Variants in ZNF730 observed in about 807,000 individuals in gnomAD.
ZNF730 encodes the protein zinc finger protein 730, also known as putative zinc finger protein 730.
A neutral mutation model predicts 12.6 loss-of-function variants in ZNF730; 12 were observed. The observed-to-expected ratio is 0.95, with a 90% confidence interval of 0.61 to 1.54. ZNF730 has a LOEUF of 1.54. ZNF730 is among the 40% of genes most tolerant of loss of function. The probability of loss-of-function intolerance (pLI) is 0.00; values close to 1 mark genes in which losing one functional copy is unlikely to be tolerated. For synonymous variants in ZNF730, 194 were observed against 195.8 expected, an observed-to-expected ratio of 0.99 and a Z score of 0.08; for missense variants, 643 against 583.5, an observed-to-expected ratio of 1.10 and a Z score of -1.05.
intron 1 of ZNF730, among the ~76,000 whole-genome samples, chr19:23,077,799 T>C (rs1049456274): frequency 2.6e-5 from 4 of 152,084 alleles, no homozygotes; most frequent in Non-Finnish European, 5.9e-5. Context: ...GAAGTAGGCA[T>C]AAGAGACTCC....
chr19:23,109,796 C>T (rs1461138439), intron 1 of ZNF730, among the ~76,000 whole-genome samples: 1 of 152,130 alleles, frequency 6.6e-6, no homozygotes, highest in Non-Finnish European at 1.5e-5. Flanking sequence ...ATCCACCCGC[C>T]TTGGCCTCCC....
At chr19:23,103,524 A>G (rs1163384854) in intron 1 of ZNF730, among the ~76,000 whole-genome samples, 1 of 152,184 alleles carries the variant, frequency 6.6e-6, no homozygotes, top group Non-Finnish European at 1.5e-5. Flanking sequence ...AGTGTTTCAA[A>G]TCTCTAACAC....
intron 1 of ZNF730, among the ~76,000 whole-genome samples, chr19:23,101,015 ATAGTT>A (rs1223936818): frequency 2.0e-5 from 3 of 152,188 alleles, no homozygotes; most frequent in Non-Finnish European, 4.4e-5. Context: ...GACTAAACCA[ATAGTT>A]TAGTTTAGTT....
At chr19:23,126,764 T>C in intron 1 of ZNF730, 1 of 492,926 alleles carries the variant, frequency 2.0e-6, no homozygotes, top group Non-Finnish European at 4.0e-6. Flanking sequence ...GACTACATAA[T>C]TGTTGGGAAG....
chr19:23,093,794 C>T (rs1254613182), intron 1 of ZNF730, among the ~76,000 whole-genome samples: 2 of 152,318 alleles, frequency 1.3e-5, no homozygotes, highest in Middle Eastern at 3.4e-3. Flanking sequence ...GATCAACAGA[C>T]GGGGTCAGGG....
intron 1 of ZNF730, among the ~76,000 whole-genome samples, chr19:23,085,826 A>ATTTTTTTTTCTTT (rs1260910855): frequency 3.4e-4 from 25 of 72,564 alleles, no homozygotes; most frequent in African/African-American, 1.3e-3. Flanking sequence ...ATTTCACCCA[A>ATTTTTTTTTCTTT]TTTTTTTTTC....
chr19:23,127,041 T>C, intron 1 of ZNF730: 2 of 518,366 alleles, frequency 3.9e-6, no homozygotes, highest in South Asian at 3.0e-5. Flanking sequence ...TCCTAAAGCA[T>C]ATAATGAAGA....
At chr19:23,139,833 C>A (rs570066837) in intron 3 of ZNF730, among the ~76,000 whole-genome samples, 2 of 152,114 alleles carry the variant, frequency 1.3e-5, no homozygotes, top group South Asian at 2.1e-4. Flanking sequence ...CTGACAAATT[C>A]TTTTTAATGC....
chr19:23,106,949 A>G (rs1025870645), intron 1 of ZNF730, among the ~76,000 whole-genome samples: 3 of 152,174 alleles, frequency 2.0e-5, no homozygotes, highest in Admixed American at 6.5e-5. Context: ...TTAAAACTAT[A>G]TGTTGGCATA....
intron 1 of ZNF730, among the ~76,000 whole-genome samples, chr19:23,080,972 A>G (rs1023714506): frequency 2.7e-5 from 4 of 150,628 alleles, no homozygotes; most frequent in Non-Finnish European, 5.9e-5. Flanking sequence ...CTGCCTCCCA[A>G]GTAGCTGGGA....
At chr19:23,076,540 A>G (rs937380965) in intron 1 of ZNF730, among the ~76,000 whole-genome samples, 1 of 152,084 alleles carries the variant, frequency 6.6e-6, no homozygotes, top group African/African-American at 2.4e-5. Context: ...TAGTGACCAT[A>G]TCTCTTGGAG....
At chr19:23,142,457 G>GCAGAT (rs1970935785) in intron 3 of ZNF730, among the ~76,000 whole-genome samples, 4 of 150,862 alleles carry the variant, frequency 2.7e-5, no homozygotes, top group Non-Finnish European at 5.9e-5. Flanking sequence ...GCTGAGGCAG[G>GCAGAT]CAGATCACAA....
chr19:23,134,535 C>T (rs1486354434), intron 2 of ZNF730, among the ~76,000 whole-genome samples: 34 of 140,966 alleles, frequency 2.4e-4, no homozygotes, highest in East Asian at 6.8e-4. Context: ...CGCCTCTGCC[C>T]GGCCGCCCCT....
intron 1 of ZNF730, among the ~76,000 whole-genome samples, chr19:23,090,754 T>C (rs1970144070): frequency 1.3e-5 from 2 of 151,932 alleles, no homozygotes; most frequent in Admixed American, 6.6e-5. Context: ...CCCAGCACTT[T>C]GGGAGGCTGA....
chr19:23,083,214 A>G (rs1969996100), intron 1 of ZNF730, among the ~76,000 whole-genome samples: 1 of 151,436 alleles, frequency 6.6e-6, no homozygotes, highest in Admixed American at 6.6e-5. Context: ...TCACGAGGTC[A>G]GGAGTTCGAG....
intron 1 of ZNF730, among the ~76,000 whole-genome samples, chr19:23,109,622 G>A (rs1432688331): frequency 2.0e-5 from 3 of 151,912 alleles, no homozygotes; most frequent in African/African-American, 7.2e-5. Context: ...GGCTGGTTTT[G>A]AACTCCTGAC....
In ZNF730 at chr19:23,146,893, G is replaced by T; in HGVS notation, c.*337G>T. The T allele has an allele frequency of 1.7e-6, 1 of 574,612 alleles. No individual in the cohort carries two copies. The highest frequency in any genetic ancestry group is 3.1e-6 in the Non-Finnish European group (1 of 322,570). 35.6% of individuals were successfully genotyped at this position (574,612 alleles called of 1,614,324 possible). ...TACCAGAGAGAAACTCTACAAACCT[G>T]AAAGTTTTAACAGTGCTTTTGACAA... is the stretch of plus-strand genomic sequence containing the variant. On this transcript the variant is annotated 3_prime_UTR_variant, in exon 4 of 4. Transcript: ENST00000597761.
At chr19:23,100,749 G>A (rs1444763788) in intron 1 of ZNF730, among the ~76,000 whole-genome samples, 1 of 138,678 alleles carries the variant, frequency 7.2e-6, no homozygotes, top group Non-Finnish European at 1.5e-5. Flanking sequence ...TCTGCCTCCT[G>A]GGTTCAAGCG....
chr19:23,113,709 A>G (rs1970481439), upstream of ZNF730, among the ~76,000 whole-genome samples: 2 of 152,132 alleles, frequency 1.3e-5, no homozygotes, highest in African/African-American at 4.8e-5. Flanking sequence ...CCTCTACTCA[A>G]ACCTTTAAAA....
Sources: allele counts gnomAD v4.1 joint callset (sites outside exome capture counted in the v4.1 genomes callset), GRCh38; gene constraint gnomAD v4.1.1; transcripts MANE v1.5; gene names NCBI Gene and HGNC (gene_info 2026-07-23, HGNC 2026-07-21).